Variants in DOCK4 observed in about 807,000 individuals in gnomAD.
The protein encoded by DOCK4 is dedicator of cytokinesis 4.
In DOCK4, 97 loss-of-function variants were observed where a neutral mutation model predicts 268.1. The ratio of observed to expected loss-of-function variants is 0.36; its 90% CI spans 0.31 to 0.43. DOCK4 has a LOEUF of 0.43. DOCK4 is among the 20% of genes least tolerant of loss of function. DOCK4 has a pLI of 1.00. For synonymous variants in DOCK4, 954 were observed against 887.2 expected (o/e 1.08, Z -1.34); for missense variants, 2,145 against 2,455.7 (o/e 0.87, Z 2.67).
chr7:111,845,564 C>A, intron 24 of DOCK4, among the ~76,000 whole-genome samples: 1 of 152,130 alleles, frequency 6.6e-6, no homozygotes, highest in East Asian at 1.9e-4. Context: ...GTTCTTATTA[C>A]ACCTGCACAA....
intron 1 of DOCK4, among the ~76,000 whole-genome samples, chr7:112,091,136 T>C (rs1225655724): frequency 6.6e-6 from 1 of 152,180 alleles, no homozygotes; most frequent in Non-Finnish European, 1.5e-5. Context: ...CCAGGGATTG[T>C]GTACTAGGGC....
At chr7:111,751,208 C>T (rs979229414) in intron 42 of DOCK4, among the ~76,000 whole-genome samples, 2 of 152,120 alleles carry the variant, frequency 1.3e-5, no homozygotes, top group Non-Finnish European at 2.9e-5. Flanking sequence ...TACCAATTTA[C>T]AAGGAATACA....
chr7:112,145,759 A>G (rs1035381616), intron 1 of DOCK4, among the ~76,000 whole-genome samples: 2 of 152,114 alleles, frequency 1.3e-5, no homozygotes, highest in Non-Finnish European at 2.9e-5. Context: ...ATCTTTTGTC[A>G]TCTGACTTCA....
chr7:112,149,693 A>G (rs1815873339), intron 1 of DOCK4, among the ~76,000 whole-genome samples: 1 of 152,216 alleles, frequency 6.6e-6, no homozygotes, highest in African/African-American at 2.4e-5. Flanking sequence ...ACCAGGAGAT[A>G]TGATTTCTAG....
intron 1 of DOCK4, among the ~76,000 whole-genome samples, chr7:112,119,215 GA>G (rs1349920823): frequency 6.6e-6 from 1 of 152,176 alleles, no homozygotes; most frequent in Non-Finnish European, 1.5e-5. Flanking sequence ...GGAAGACAGA[GA>G]ACTGAATAAA....
intron 27 of DOCK4, among the ~76,000 whole-genome samples, chr7:111,818,579 C>T (rs577192499): frequency 6.2e-4 from 95 of 152,294 alleles, no homozygotes; most frequent in African/African-American, 2.2e-3. Context: ...CATTGCTATC[C>T]GCCCGTCCAA....
At chr7:112,123,288 G>C (rs1367757504) in intron 1 of DOCK4, among the ~76,000 whole-genome samples, 2 of 152,178 alleles carry the variant, frequency 1.3e-5, no homozygotes, top group Non-Finnish European at 2.9e-5. Flanking sequence ...GTTTGGGAGA[G>C]ATGGTGGCTG....
At chr7:112,069,665 G>C (rs1395346474) in intron 1 of DOCK4, among the ~76,000 whole-genome samples, 1 of 152,110 alleles carries the variant, frequency 6.6e-6, no homozygotes, top group African/African-American at 2.4e-5. Context: ...GTTACAATTA[G>C]TGGTGGTGGT....
intron 34 of DOCK4, 82 bp downstream of exon 34, chr7:111,783,775 G>T (rs1004022210): frequency 3.0e-5 from 36 of 1,218,220 alleles, no homozygotes; most frequent in Admixed American, 1.4e-4. Flanking sequence ...CACAAGAGTG[G>T]AACGTTGATT....
At chr7:111,916,694 T>C (rs2134539750) in intron 12 of DOCK4, among the ~76,000 whole-genome samples, 1 of 152,310 alleles carries the variant, frequency 6.6e-6, no homozygotes, top group Non-Finnish European at 1.5e-5. Context: ...TGTCATATCA[T>C]TGTGAATATG....
At chr7:111,823,586 A>G (rs1002121001) in intron 26 of DOCK4, among the ~76,000 whole-genome samples, 3 of 152,258 alleles carry the variant, frequency 2.0e-5, no homozygotes, top group South Asian at 2.1e-4. Context: ...GGAATCAAGG[A>G]GATAATGTAC....
chr7:112,051,877 A>G (rs1282857321), intron 1 of DOCK4, among the ~76,000 whole-genome samples: 1 of 152,160 alleles, frequency 6.6e-6, no homozygotes, highest in Non-Finnish European at 1.5e-5. Flanking sequence ...AAAGAAGTCT[A>G]GCTAAATAGC....
intron 1 of DOCK4, among the ~76,000 whole-genome samples, chr7:112,056,768 A>T (rs990971082): frequency 6.6e-6 from 1 of 152,194 alleles, no homozygotes; most frequent in Non-Finnish European, 1.5e-5. Flanking sequence ...AACTAGTAAA[A>T]TGGACACTTC....
chr7:112,091,799 T>G (rs1219170624), intron 1 of DOCK4, among the ~76,000 whole-genome samples: 1 of 152,156 alleles, frequency 6.6e-6, no homozygotes, highest in East Asian at 1.9e-4. Flanking sequence ...AATCCACAAC[T>G]TACACCCATA....
intron 27 of DOCK4, among the ~76,000 whole-genome samples, chr7:111,818,705 C>G: frequency 6.6e-6 from 1 of 152,206 alleles, no homozygotes; most frequent in East Asian, 1.9e-4. Context: ...CTCCACCAAC[C>G]TCATCTTTAC....
At chr7:112,018,715 T>C (rs1165196534) in intron 1 of DOCK4, among the ~76,000 whole-genome samples, 1 of 146,412 alleles carries the variant, frequency 6.8e-6, no homozygotes, top group Non-Finnish European at 1.5e-5. Context: ...CATTTTTTCA[T>C]GGAAATCAAA....
intron 1 of DOCK4, among the ~76,000 whole-genome samples, chr7:112,040,935 T>C (rs867913108): frequency 1.3e-5 from 2 of 152,208 alleles, no homozygotes; most frequent in Non-Finnish European, 2.9e-5. Flanking sequence ...AGTCTAAGTA[T>C]ATGCAGTGTC....
chr7:112,047,379 T>C (rs1374121399), intron 1 of DOCK4, among the ~76,000 whole-genome samples: 1 of 152,198 alleles, frequency 6.6e-6, no homozygotes. Flanking sequence ...TAGTCCTTTG[T>C]ATGAAGAAAA....
chr7:111,776,052 T>C (rs572035704), intron 36 of DOCK4, among the ~76,000 whole-genome samples: 17 of 152,346 alleles, frequency 1.1e-4, no homozygotes, highest in Non-Finnish European at 2.1e-4. Context: ...CAAGGACTTC[T>C]GTCTGTTAAA....
Sources: allele counts gnomAD v4.1 joint callset (sites outside exome capture counted in the v4.1 genomes callset), GRCh38; gene constraint gnomAD v4.1.1; transcripts MANE v1.5; gene names NCBI Gene and HGNC (gene_info 2026-07-23, HGNC 2026-07-21).